Variants in ANO3 observed in about 807,000 individuals in gnomAD.
ANO3 encodes anoctamin 3.
Under a neutral mutation model 144.8 loss-of-function variants are expected in ANO3, and 99 were observed. That is an observed-to-expected ratio of 0.68 (90% CI 0.58 to 0.81). The LOEUF is 0.81. ANO3 is among the 30% of genes least tolerant of loss of function. The pLI is 0.00. For missense variants in ANO3, 905 were observed against 1,202.2 expected (o/e 0.75, Z 3.66); for synonymous variants, 414 against 392.6 (o/e 1.05, Z -0.64).
chr11:26,291,530 T>G (rs1291006705), intron 1 of ANO3, among the ~76,000 whole-genome samples: 1 of 152,214 alleles, frequency 6.6e-6, no homozygotes, highest in Non-Finnish European at 1.5e-5. Flanking sequence ...TTGGCATGTT[T>G]TTGCAGTGGC....
intron 5 of ANO3, among the ~76,000 whole-genome samples, chr11:26,516,038 T>C (rs1195361424): frequency 6.6e-6 from 1 of 151,928 alleles, no homozygotes; most frequent in African/African-American, 2.4e-5. Flanking sequence ...TTTAGACTAC[T>C]GAACAAAAGC....
chr11:26,585,494 T>C (rs1269328980), intron 14 of ANO3, among the ~76,000 whole-genome samples: 1 of 152,182 alleles, frequency 6.6e-6, no homozygotes, highest in East Asian at 1.9e-4. Context: ...TCTGTTGCCA[T>C]CTTTATTTTG....
chr11:26,414,704 A>G (rs1183934663), intron 1 of ANO3, among the ~76,000 whole-genome samples: 2 of 151,188 alleles, frequency 1.3e-5, no homozygotes, highest in African/African-American at 4.9e-5. Flanking sequence ...ACATGTATAC[A>G]TATGTAAGAA....
At chr11:26,507,298 T>A (rs1051436971) in intron 4 of ANO3, among the ~76,000 whole-genome samples, 6 of 152,204 alleles carry the variant, frequency 3.9e-5, no homozygotes, top group Non-Finnish European at 8.8e-5. Flanking sequence ...TTTCAAAGGA[T>A]TCCCATGGCC....
intron 6 of ANO3, among the ~76,000 whole-genome samples, chr11:26,521,024 A>G (rs1466962506): frequency 1.2e-5 from 1 of 86,340 alleles, no homozygotes; most frequent in Non-Finnish European, 2.3e-5. Context: ...AGACCAGTTT[A>G]AATAATGGAT....
rs117167293 is a variant in ANO3 at position 26,339,917 on chromosome 11, A to T, written c.46+7596A>T. Reference sequence around the variant, plus strand: ...TCCGACTGGTTTCAGTGCAACAGCTATGTAGGAAGCCTGCAGCAGCTGCAG... The same window carrying T: ...TCCGACTGGTTTCAGTGCAACAGCTTTGTAGGAAGCCTGCAGCAGCTGCAG... On this transcript the variant is annotated intron_variant, in intron 1 of 26. Transcript: ENST00000256737. 1.7e-4 allele frequency among the ~76,000 whole-genome samples: 26 copies of T among 152,298 alleles called. No individual in the cohort carries two copies. The East Asian group carries it at 4.6e-3, about 27-fold the overall frequency.
At chr11:26,358,683 A>C (rs1855849579) in intron 1 of ANO3, among the ~76,000 whole-genome samples, 1 of 152,082 alleles carries the variant, frequency 6.6e-6, no homozygotes, top group Admixed American at 6.5e-5. Context: ...GCTTTCGGCC[A>C]CTAGTTTTTT....
At chr11:26,580,951 G>A (rs1022419644) in intron 14 of ANO3, among the ~76,000 whole-genome samples, 2 of 152,204 alleles carry the variant, frequency 1.3e-5, no homozygotes, top group Non-Finnish European at 2.9e-5. Context: ...TCACCTCCCA[G>A]AAGTTCCTTG....
At chr11:26,258,379 A>G (rs188801661) in intron 1 of ANO3, among the ~76,000 whole-genome samples, 19 of 152,306 alleles carry the variant, frequency 1.2e-4, no homozygotes, top group African/African-American at 4.3e-4. Context: ...AAATTTATGA[A>G]ATGTCTACTC....
At chr11:26,325,821 C>A (rs1338935542) in intron 1 of ANO3, among the ~76,000 whole-genome samples, 1 of 152,132 alleles carries the variant, frequency 6.6e-6, no homozygotes, top group East Asian at 1.9e-4. Context: ...AGCCAGAGTG[C>A]GTGAAATTCT....
At chr11:26,542,438 A>G (rs1849670765) in intron 11 of ANO3, among the ~76,000 whole-genome samples, 1 of 152,082 alleles carries the variant, frequency 6.6e-6, no homozygotes, top group Admixed American at 6.6e-5. Context: ...GAGAGGGCAT[A>G]GAGAGGGAAA....
At chr11:26,301,453 G>A (rs1486831852) in intron 1 of ANO3, among the ~76,000 whole-genome samples, 1 of 152,174 alleles carries the variant, frequency 6.6e-6, no homozygotes, top group Non-Finnish European at 1.5e-5. Context: ...AACAAGGGCT[G>A]GTGCATCCAG....
At chr11:26,659,915 G>A (rs1853825913) in intron 26 of ANO3, among the ~76,000 whole-genome samples, 1 of 152,004 alleles carries the variant, frequency 6.6e-6, no homozygotes, top group Non-Finnish European at 1.5e-5. Flanking sequence ...GGTTCTCCCT[G>A]GATATGATCT....
chr11:26,561,533 CTT>C (rs1197596676), intron 14 of ANO3, among the ~76,000 whole-genome samples: 1 of 151,916 alleles, frequency 6.6e-6, no homozygotes, highest in East Asian at 1.9e-4. Flanking sequence ...ACCTCATTGA[CTT>C]TTGAATCTTG....
intron 1 of ANO3, among the ~76,000 whole-genome samples, chr11:26,238,758 G>C (rs1055641051): frequency 6.6e-6 from 1 of 152,100 alleles, no homozygotes; most frequent in South Asian, 2.1e-4. Flanking sequence ...GCAGAAGAAA[G>C]TGGGTTGGGA....
At chr11:26,520,322 G>A (rs989800710) in intron 6 of ANO3, among the ~76,000 whole-genome samples, 3 of 151,928 alleles carry the variant, frequency 2.0e-5, no homozygotes, top group African/African-American at 7.3e-5. Context: ...TTAATTACCT[G>A]GTAGGAATGC....
intron 21 of ANO3, among the ~76,000 whole-genome samples, chr11:26,639,916 A>G (rs1451367446): frequency 6.6e-6 from 1 of 152,222 alleles, no homozygotes; most frequent in Non-Finnish European, 1.5e-5. Flanking sequence ...CTAATCAACT[A>G]AAAACATGTC....
chr11:26,286,006 T>A (rs1853798322), intron 1 of ANO3: 1 of 152,202 alleles, frequency 6.6e-6, no homozygotes, highest in South Asian at 2.1e-4. Context: ...GTCCTCAGAT[T>A]TCATGTGTTG....
At chr11:26,510,149 A>AG (rs1282747148) in intron 5 of ANO3, among the ~76,000 whole-genome samples, 5 of 145,644 alleles carry the variant, frequency 3.4e-5, no homozygotes, top group African/African-American at 7.6e-5. Flanking sequence ...AAAAAAAAAA[A>AG]AAAAGAGTAG....
Sources: gnomAD v4.1 joint callset for allele counts (sites outside exome capture counted in the v4.1 genomes callset) on GRCh38, gnomAD v4.1.1 for gene constraint, MANE v1.5 for transcripts, NCBI Gene and HGNC (gene_info 2026-07-23, HGNC 2026-07-21) for gene names.